Variants in ZNF841 observed in about 807,000 individuals in gnomAD.
ZNF841 encodes the protein zinc finger protein 841.
Under a neutral mutation model 13.0 loss-of-function variants are expected in ZNF841, and 11 were observed. That is an observed-to-expected ratio of 0.85 (90% CI 0.53 to 1.40). ZNF841 has a LOEUF of 1.40. Among genes scored for constraint, ZNF841 ranks in the 40% most tolerant of loss-of-function variants. The pLI is 0.00. For missense variants in ZNF841, 1,068 were observed against 1,139.5 expected (o/e 0.94, Z 0.90); for synonymous variants, 369 against 381.6 (o/e 0.97, Z 0.38).
At chr19:52,094,179 A>C (rs769008188) in intron 1 of ZNF841, 7 of 152,198 alleles carry the variant, frequency 4.6e-5, no homozygotes, top group Non-Finnish European at 1.0e-4. Context: ...GGAATTCCAA[A>C]TATCTTTTGA....
chr19:52,094,870 C>A (rs1388578714), intron 1 of ZNF841, among the ~76,000 whole-genome samples: 2 of 152,108 alleles, frequency 1.3e-5, no homozygotes, highest in Non-Finnish European at 1.5e-5. Flanking sequence ...TTCTAAATTT[C>A]TCTGTGTGCT....
Position 52,066,998 on chromosome 19 carries a change from C to A in ZNF841, c.884G>T (p.Gly295Val), listed in dbSNP as rs762270609. Residue 295 changes from glycine (G) to valine (V), a missense_variant, in exon 7 of 7, where the codon GGT becomes GTT. Physicochemically the swap from Gly to Val is moderately radical, Grantham distance 109. Transcript: ENST00000594440. ...TEKPYRCNES[G>V]KAFHRGSLLT... is the part of the protein sequence containing the mutation. ...TAGTGAGCCCCGATGAAAGGCTTTACCAGACTCATTGCATCTGTAAGGTTT... is the reference window on the plus strand; with the variant it reads ...TAGTGAGCCCCGATGAAAGGCTTTAACAGACTCATTGCATCTGTAAGGTTT... 6.8e-6 allele frequency: 11 copies of A among 1,614,088 alleles called. 1 individual carries two copies. The highest frequency in any genetic ancestry group is 3.3e-5 in the South Asian group (3 of 91,068).
chr19:52,091,973 G>C (rs1178321227), intron 2 of ZNF841, among the ~76,000 whole-genome samples: 3 of 152,032 alleles, frequency 2.0e-5, no homozygotes, highest in Non-Finnish European at 4.4e-5. Flanking sequence ...AACATGGTGA[G>C]ACCCTGTCTC....
chr19:52,059,370 A>AAAATATATATATAT, the ZNF841 span, among the ~76,000 whole-genome samples: 2 of 69,646 alleles, frequency 2.9e-5, no homozygotes, highest in Admixed American at 2.1e-4. Flanking sequence ...AAAAAAAAAA[A>AAAATATATATATAT]ATATATATAT....
chr19:52,090,269 G>T (rs1004387127), intron 2 of ZNF841, among the ~76,000 whole-genome samples: 1 of 152,148 alleles, frequency 6.6e-6, no homozygotes, highest in Admixed American at 6.6e-5. Flanking sequence ...ACTGATAAAA[G>T]ATATTGAAGA....
At chr19:52,094,122 G>A (rs1360586738) in intron 1 of ZNF841, 151 bp from the exon 2 acceptor site, 1 of 152,130 alleles carries the variant, frequency 6.6e-6, no homozygotes, top group Non-Finnish European at 1.5e-5. Context: ...GGGAAGAAGA[G>A]AGTTACCACA....
rs189490844 is a variant in ZNF841 at position 52,076,220 on chromosome 19, C to G, written c.143-48G>C. 4,221 of 1,538,526 alleles carry G rather than the reference C, an allele frequency of 2.7e-3. 6 individuals are homozygous for G. The highest frequency in any genetic ancestry group is 3.4e-3 in the Non-Finnish European group (3,910 of 1,141,554). ...GATGTCCCACGGTTTTTCCAGAACCCAGCCTAATGTCTAGGTAGAAGAGAA... is the reference window on the plus strand; with the variant it reads ...GATGTCCCACGGTTTTTCCAGAACCGAGCCTAATGTCTAGGTAGAAGAGAA... On this transcript the variant is annotated intron_variant, in intron 5 of 6. Coordinates refer to ENST00000594440, the MANE Select transcript of ZNF841 (RefSeq NM_001136499.2).
At chr19:52,092,763 G>A (rs918609970) in intron 2 of ZNF841, among the ~76,000 whole-genome samples, 1 of 152,214 alleles carries the variant, frequency 6.6e-6, no homozygotes, top group Non-Finnish European at 1.5e-5. Flanking sequence ...CTTGACACCA[G>A]TAGTTAGAGA....
chr19:52,062,346 T>C (rs914342722), downstream of ZNF841, among the ~76,000 whole-genome samples: 4 of 152,190 alleles, frequency 2.6e-5, no homozygotes, highest in African/African-American at 9.7e-5. Flanking sequence ...ATTTTTAGGT[T>C]AGTGAAACAT....
Position 52,066,556 on chromosome 19 carries a change from T to C in ZNF841, c.1326A>G (p.Ser442=). 6.2e-7 allele frequency: 1 copy of C among 1,613,666 alleles called. No individual in the cohort carries two copies. Among genetic ancestry groups the C allele is most frequent in the Non-Finnish European group, 8.5e-7 (1 of 1,179,758 alleles). ...GAATTATCTGGTGCCTTACAAGTTG[T>C]GAATTCTGATAAAAGACCTTGCCAC... ...DVCGKVFYQN[S]QLVRHQIIHT... Residue 442 remains serine (S), a synonymous_variant, in exon 7 of 7, where the codon TCA becomes TCG. Coordinates refer to ENST00000594440, the MANE Select transcript of ZNF841 (RefSeq NM_001136499.2).
intron 6 of ZNF841, among the ~76,000 whole-genome samples, chr19:52,075,655 A>G (rs1215409577): frequency 3.3e-5 from 5 of 152,228 alleles, no homozygotes; most frequent in African/African-American, 1.2e-4. Context: ...CACCAGGACT[A>G]TGGAGCCCTC....
chr19:52,058,869 G>A, the ZNF841 span: 1 of 152,368 alleles, frequency 6.6e-6, no homozygotes, highest in African/African-American at 2.4e-5. Context: ...TATTTATTTT[G>A]AGACACAGTT....
chr19:52,077,101 A>G lies in ZNF841; in HGVS notation c.16-17T>C, dbSNP rs1273618757. ...CAAAGATCCCTGAAATGAAAAACAC[A>G]TTTCAATATGAGCAGTGGGTGAGCT... On this transcript the variant is annotated splice_polypyrimidine_tract_variant and intron_variant, in intron 4 of 6. Transcript: ENST00000594440. The G allele has an allele frequency of 6.2e-7, 1 of 1,601,162 alleles. No individual in the cohort carries two copies. The highest frequency in any genetic ancestry group is 1.1e-5 in the South Asian group (1 of 89,704).
At chr19:52,075,939 C>T in intron 6 of ZNF841, 105 bp downstream of exon 6, 1 of 1,420,208 alleles carries the variant, frequency 7.0e-7, no homozygotes, top group Non-Finnish European at 9.4e-7. Context: ...ACTTCTGGAG[C>T]TCACAGAAAA....
chr19:52,079,431 T>TAAAAAAAAAAAAAAAAAAAAAAAACAAA (rs35306980), intron 4 of ZNF841, among the ~76,000 whole-genome samples: 1 of 83,204 alleles, frequency 1.2e-5, no homozygotes, highest in Non-Finnish European at 2.5e-5. Flanking sequence ...AGGAAATCTG[T>TAAAAAAAAAAAAAAAAAAAAAAAACAAA]AAAAAAAAAA....
intron 6 of ZNF841, among the ~76,000 whole-genome samples, chr19:52,068,260 T>C (rs2087642515): frequency 6.6e-6 from 1 of 152,104 alleles, no homozygotes; most frequent in Non-Finnish European, 1.5e-5. Context: ...GGTAAATATG[T>C]CTATGGCCAT....
In ZNF841 at chr19:52,067,495, A is replaced by C. The variant is rs1249340344; in HGVS notation, c.387T>G (p.Phe129Leu). The C allele has an allele frequency of 6.3e-7, 1 of 1,578,146 alleles. No homozygotes were observed. The highest frequency in any genetic ancestry group is 8.6e-7 in the Non-Finnish European group (1 of 1,159,908). The change falls in exon 7 of 7, where the codon TTT becomes TTG. Residue 129 changes from phenylalanine to leucine, a missense_variant. Phe to Leu is a conservative substitution (Grantham distance 22, BLOSUM62 0). Coordinates refer to ENST00000594440, the MANE Select transcript of ZNF841 (RefSeq NM_001136499.2). ...EGHESYDTENFYFREIRKNLQ... is the reference protein window; with the variant it reads ...EGHESYDTENLYFREIRKNLQ... The stretch of plus-strand genomic sequence containing the variant: ...GATTTTTCCGGATTTCCCTGAAGTA[A>C]AAATTTTCAGTGTCATAGCTTTCAT...
At chr19:52,074,343 C>T (rs1005510904) in intron 6 of ZNF841, among the ~76,000 whole-genome samples, 2 of 152,062 alleles carry the variant, frequency 1.3e-5, no homozygotes, top group African/African-American at 4.8e-5. Context: ...TTGCTTAAAA[C>T]GAATTTTGTG....
At chr19:52,086,131 G>T (rs760855145) in intron 3 of ZNF841, among the ~76,000 whole-genome samples, 21 of 152,132 alleles carry the variant, frequency 1.4e-4, no homozygotes, top group Non-Finnish European at 5.9e-5. Flanking sequence ...TAGAGTTCAG[G>T]GGACAGGTCT....
Sources: gnomAD v4.1 joint callset for allele counts (sites outside exome capture counted in the v4.1 genomes callset) on GRCh38, gnomAD v4.1.1 for gene constraint, MANE v1.5 for transcripts, NCBI Gene and HGNC (gene_info 2026-07-23, HGNC 2026-07-21) for gene names.